IDE: variants seen among roughly 807,000 people sequenced by gnomAD.
IDE encodes insulin degrading enzyme.
In IDE, 58 loss-of-function variants were observed where a neutral mutation model predicts 133.2. That is an observed-to-expected ratio of 0.44 (90% CI 0.35 to 0.54). IDE has a LOEUF of 0.54. Among genes scored for constraint, IDE ranks in the 20% least tolerant of loss-of-function variants. The probability of loss-of-function intolerance (pLI) is 0.00; values close to 1 mark genes in which losing one functional copy is unlikely to be tolerated. For missense variants in IDE, 981 were observed against 1,234.0 expected (o/e 0.79, Z 3.07); for synonymous variants, 396 against 421.3 (o/e 0.94, Z 0.73).
intron 1 of IDE, among the ~76,000 whole-genome samples, chr10:92,552,856 T>TAAAAAAAAAAAAAAAAAAAAAAA (rs1842844887): frequency 1.2e-4 from 1 of 8,344 alleles, no homozygotes; most frequent in Non-Finnish European, 2.1e-4. Context: ...AGACTCAGTC[T>TAAAAAAAAAAAAAAAAAAAAAAA]CAAAAAAAAA....
intron 11 of IDE, among the ~76,000 whole-genome samples, chr10:92,494,117 A>G (rs1249866024): frequency 6.6e-6 from 1 of 152,150 alleles, no homozygotes; most frequent in Non-Finnish European, 1.5e-5. Context: ...GGTCTTGTAC[A>G]GTGGTGTGAT....
chr10:92,528,033 G>C (rs531127838), intron 4 of IDE, among the ~76,000 whole-genome samples: 1 of 152,234 alleles, frequency 6.6e-6, no homozygotes, highest in African/African-American at 2.4e-5. Flanking sequence ...CAACCTTGCT[G>C]AATTATTTTT....
At chr10:92,553,836 TAA>T (rs1325357620) in intron 1 of IDE, among the ~76,000 whole-genome samples, 1 of 152,060 alleles carries the variant, frequency 6.6e-6, no homozygotes, top group East Asian at 1.9e-4. Context: ...GAAGCCATAA[TAA>T]AAAGTCTCCT....
chr10:92,501,721 TC>T (rs1244633333), intron 11 of IDE, among the ~76,000 whole-genome samples: 1 of 150,986 alleles, frequency 6.6e-6, no homozygotes, highest in Admixed American at 6.6e-5. Flanking sequence ...ACGCCTGTAA[TC>T]CCAGCACTTT....
chr10:92,552,435 CA>C (rs1360971117), intron 1 of IDE, among the ~76,000 whole-genome samples: 9 of 152,174 alleles, frequency 5.9e-5, no homozygotes, highest in South Asian at 2.1e-4. Flanking sequence ...TTATTATATA[CA>C]AAAAGACATA....
intron 23 of IDE, 65 bp downstream of exon 23, chr10:92,456,294 C>G: frequency 9.2e-7 from 1 of 1,087,160 alleles, no homozygotes; most frequent in Non-Finnish European, 1.4e-6. Context: ...AGGCATGTAG[C>G]TATGACAAAG....
At chr10:92,506,054 T>C (rs115027880) in intron 10 of IDE, among the ~76,000 whole-genome samples, 32 of 151,848 alleles carry the variant, frequency 2.1e-4, no homozygotes, top group African/African-American at 4.6e-4. Context: ...AAGAGGAAAA[T>C]AGGGATCGCA....
intron 1 of IDE, among the ~76,000 whole-genome samples, chr10:92,559,717 C>T (rs1843186373): frequency 6.7e-6 from 1 of 149,674 alleles, no homozygotes. Context: ...TGCAAATACA[C>T]TAAAACCCAT....
In IDE at chr10:92,456,463, T is replaced by C. The variant is rs1223025605; in HGVS notation, c.2824-32A>G. On this transcript the variant is annotated intron_variant, in intron 22 of 24. Transcript: ENST00000265986. ...ACAAAGAAGAGCAGGGTCACCCTTT[T>C]GCTCCACTAAAGAACTTACAATGAG... The C allele has an allele frequency of 2.0e-6, 3 of 1,480,490 alleles. No homozygotes were observed. In the African/African-American group the frequency reaches 4.2e-5, roughly 20 times the overall value. 91.7% of individuals were successfully genotyped at this position (1,480,490 alleles called of 1,614,324 possible).
At chr10:92,506,586 T>G (rs1848304374) in intron 9 of IDE, 64 bp from the exon 10 acceptor site, 5 of 815,274 alleles carry the variant, frequency 6.1e-6, no homozygotes, top group Non-Finnish European at 8.1e-6. Context: ...TTTTTTTTTT[T>G]TTAAGTGTTT....
chr10:92,470,366 A>C (rs774873127), intron 17 of IDE, 21 bp from the exon 18 acceptor site: 28 of 1,505,706 alleles, frequency 1.9e-5, no homozygotes, highest in Non-Finnish European at 2.5e-5. Flanking sequence ...GTAAGAAGAC[A>C]TAGTGAGCGC....
chr10:92,492,599 C>A (rs369899423), intron 11 of IDE, among the ~76,000 whole-genome samples: 4 of 152,284 alleles, frequency 2.6e-5, no homozygotes, highest in African/African-American at 9.6e-5. Flanking sequence ...CCTTAAGTCC[C>A]AATTCCCAAT....
chr10:92,560,171 T>G (rs901188452), intron 1 of IDE, among the ~76,000 whole-genome samples: 11 of 152,196 alleles, frequency 7.2e-5, no homozygotes, highest in African/African-American at 2.4e-4. Flanking sequence ...CGATAATAGT[T>G]TGGCTGGTTG....
At chr10:92,461,301 G>A (rs771090586) in intron 21 of IDE, 49 bp from the exon 22 acceptor site, 1 of 878,572 alleles carries the variant, frequency 1.1e-6, no homozygotes, top group East Asian at 2.4e-5. Context: ...ATATGAAGCA[G>A]CCCAGAACAG....
chr10:92,499,138 T>A (rs190682869), intron 11 of IDE, among the ~76,000 whole-genome samples: 1 of 152,324 alleles, frequency 6.6e-6, no homozygotes, highest in East Asian at 1.9e-4. Flanking sequence ...AATGCATGTA[T>A]CACTTAAGAG....
intron 22 of IDE, among the ~76,000 whole-genome samples, chr10:92,458,260 T>TA (rs1214296142): frequency 1.3e-5 from 2 of 152,180 alleles, no homozygotes; most frequent in African/African-American, 4.8e-5. Flanking sequence ...TAGAAAATGT[T>TA]AGTCAAAATT....
Position 92,573,508 on chromosome 10 carries a change from C to G in IDE, c.98+414G>C, listed in dbSNP as rs1203955560. ...GTGAGAAGCGGTCCCCCCGAAGTCGCCGGATTCCTTTACCCCACGGCTCGA... is the reference window on the plus strand; with the variant it reads ...GTGAGAAGCGGTCCCCCCGAAGTCGGCGGATTCCTTTACCCCACGGCTCGA... On this transcript the variant is annotated intron_variant, in intron 1 of 24. Transcript: ENST00000265986. Among the ~76,000 whole-genome samples the G allele has an allele frequency of 3.3e-5, 5 of 152,344 alleles. No homozygotes were observed. The South Asian group carries it at 8.3e-4, about 25-fold the overall frequency.
chr10:92,498,721 A>T (rs186085332), intron 11 of IDE, among the ~76,000 whole-genome samples: 18 of 152,232 alleles, frequency 1.2e-4, no homozygotes, highest in Non-Finnish European at 2.5e-4. Flanking sequence ...GTGCCATTGC[A>T]CTCCAGCCTA....
In IDE at chr10:92,465,837, C is replaced by A; in HGVS notation, c.2327G>T (p.Trp776Leu). 1 of 1,613,884 alleles carries A rather than the reference C, an allele frequency of 6.2e-7. No homozygotes were observed. The highest frequency in any genetic ancestry group is 1.1e-5 in the South Asian group (1 of 91,062). Residue 776 changes from tryptophan (W) to leucine (L), a missense_variant, in exon 20 of 25, where the codon TGG (tryptophan) becomes TTG (leucine). Trp to Leu is a moderately conservative substitution (Grantham distance 61). Coordinates refer to ENST00000265986, the MANE Select transcript of IDE (RefSeq NM_004969.4). ...YREVQLPDRG[W>L]FVYQQRNEVH... ...TTCATTTCTCTGCTGATAAACAAACCATCCTCCTAGGAAGTTTCAAAAAGA... is the reference window on the plus strand; with the variant it reads ...TTCATTTCTCTGCTGATAAACAAACAATCCTCCTAGGAAGTTTCAAAAAGA...
Sources: gnomAD v4.1 joint callset for allele counts (sites outside exome capture counted in the v4.1 genomes callset) on GRCh38, gnomAD v4.1.1 for gene constraint, MANE v1.5 for transcripts, NCBI Gene and HGNC (gene_info 2026-07-23, HGNC 2026-07-21) for gene names.